The following RIT2 variants were observed in gnomAD, a reference collection of about 807,000 sequenced individuals.
The protein encoded by RIT2 is GTP-binding protein Rit2.
RIT2 carries 24 observed loss-of-function variants against 23.7 expected under a neutral mutation model. The ratio of observed to expected loss-of-function variants is 1.01; its 90% confidence interval spans 0.73 to 1.43. The LOEUF (loss-of-function observed/expected upper bound fraction) is 1.43, where lower values mean the gene tolerates loss of function less well. Among genes scored for constraint, RIT2 ranks in the 40% most tolerant of loss-of-function variants. The pLI is 0.00. For missense variants in RIT2, 236 were observed against 266.9 expected (o/e 0.88, Z 0.81); for synonymous variants, 107 against 91.1 (o/e 1.17, Z -0.99).
At chr18:42,789,095 G>A (rs1356555686) in intron 4 of RIT2, among the ~76,000 whole-genome samples, 2 of 152,140 alleles carry the variant, frequency 1.3e-5, no homozygotes, top group East Asian at 1.9e-4. Context: ...TCTTTACCGT[G>A]TGTTGTGATC....
intron 4 of RIT2, among the ~76,000 whole-genome samples, chr18:42,892,875 G>A (rs532472382): frequency 6.6e-6 from 1 of 152,224 alleles, no homozygotes; most frequent in East Asian, 1.9e-4. Flanking sequence ...TTCCAAAGTG[G>A]TCTGAGTTAG....
chr18:43,102,854 A>T (rs1220467484), intron 1 of RIT2, among the ~76,000 whole-genome samples: 1 of 151,926 alleles, frequency 6.6e-6, no homozygotes, highest in African/African-American at 2.4e-5. Context: ...GGGCTTCACC[A>T]TGTTGGCCAG....
intron 3 of RIT2, among the ~76,000 whole-genome samples, chr18:42,962,633 C>T (rs1837380797): frequency 6.6e-6 from 1 of 152,094 alleles, no homozygotes; most frequent in Non-Finnish European, 1.5e-5. Context: ...AAATTTTTGG[C>T]TTAGGAGCCT....
chr18:43,064,782 A>T (rs980343713), intron 1 of RIT2, among the ~76,000 whole-genome samples: 1 of 152,126 alleles, frequency 6.6e-6, no homozygotes, highest in African/African-American at 2.4e-5. Context: ...CAAAAATTTT[A>T]TATTCTGTAT....
At chr18:42,757,641 G>A (rs1396979306) in intron 4 of RIT2, among the ~76,000 whole-genome samples, 2 of 152,128 alleles carry the variant, frequency 1.3e-5, no homozygotes, top group African/African-American at 2.4e-5. Flanking sequence ...ACGTGCCTGT[G>A]CTTATTGGTA....
chr18:43,098,094 T>G (rs1019048938), intron 1 of RIT2, among the ~76,000 whole-genome samples: 6 of 151,882 alleles, frequency 4.0e-5, no homozygotes, highest in Non-Finnish European at 5.9e-5. Context: ...AATATGTCAC[T>G]TTCCAGGATA....
At chr18:42,808,660 C>T (rs1185887376) in intron 4 of RIT2, among the ~76,000 whole-genome samples, 2 of 151,874 alleles carry the variant, frequency 1.3e-5, no homozygotes, top group Non-Finnish European at 2.9e-5. Flanking sequence ...AAAAGTAGGC[C>T]ATCTTTGTTC....
intron 3 of RIT2, among the ~76,000 whole-genome samples, chr18:42,966,034 C>A (rs1198088807): frequency 6.6e-6 from 1 of 152,108 alleles, no homozygotes; most frequent in African/African-American, 2.4e-5. Context: ...CACTTAACCT[C>A]TTCTGAGCCC....
intron 1 of RIT2, among the ~76,000 whole-genome samples, chr18:43,053,236 A>C (rs1489897089): frequency 6.6e-6 from 1 of 152,080 alleles, no homozygotes; most frequent in East Asian, 1.9e-4. Context: ...GTTTGTGAGC[A>C]AGAACCCTAG....
intron 3 of RIT2, among the ~76,000 whole-genome samples, chr18:42,950,054 A>G (rs1909813702): frequency 1.3e-5 from 2 of 152,146 alleles, no homozygotes; most frequent in African/African-American, 4.8e-5. Flanking sequence ...ACCCAAAACT[A>G]GAAGTTGCCT....
rs532829301 is a variant in RIT2, at chr18:42,958,535, A to T, written c.234+15539T>A. Reference sequence around the variant, plus strand: ...GGGTGCTTTTGAAATTCCAGGGACAATGTTTTTAATAATAAAATGAGGAGA... The same window carrying T: ...GGGTGCTTTTGAAATTCCAGGGACATTGTTTTTAATAATAAAATGAGGAGA... On this transcript the variant is annotated intron_variant, in intron 3 of 4. Transcript: ENST00000326695. Among the ~76,000 whole-genome samples the T allele has an allele frequency of 1.1e-4, 16 of 152,278 alleles. No individual in the cohort carries two copies. The East Asian group carries it at 1.9e-3, about 18-fold the overall frequency.
intron 4 of RIT2, among the ~76,000 whole-genome samples, chr18:42,818,125 T>C (rs1906049582): frequency 6.6e-6 from 1 of 152,064 alleles, no homozygotes; most frequent in Non-Finnish European, 1.5e-5. Flanking sequence ...TGCTTAATTG[T>C]TAACATAAAG....
At chr18:42,987,231 C>G (rs1910732358) in intron 2 of RIT2, among the ~76,000 whole-genome samples, 1 of 152,222 alleles carries the variant, frequency 6.6e-6, no homozygotes, top group African/African-American at 2.4e-5. Flanking sequence ...AGTGGGTGTA[C>G]TTCCCCATTC....
chr18:42,956,293 T>C (rs1180726731), intron 3 of RIT2, among the ~76,000 whole-genome samples: 2 of 152,128 alleles, frequency 1.3e-5, no homozygotes, highest in Non-Finnish European at 2.9e-5. Context: ...CCCAATAATC[T>C]AGCCAACCCT....
intron 3 of RIT2, among the ~76,000 whole-genome samples, chr18:42,951,104 G>C (rs923226779): frequency 3.3e-5 from 5 of 152,084 alleles, no homozygotes; most frequent in Middle Eastern, 3.4e-3. Context: ...CTACCAAAAA[G>C]ACACATGCAC....
At chr18:42,967,396 G>A (rs1329856992) in intron 3 of RIT2, among the ~76,000 whole-genome samples, 1 of 152,002 alleles carries the variant, frequency 6.6e-6, no homozygotes, top group Admixed American at 6.6e-5. Flanking sequence ...TTGAGACAGA[G>A]TCTCGCTCTG....
At chr18:42,825,658 A>C (rs1598670032) in intron 4 of RIT2, among the ~76,000 whole-genome samples, 1 of 149,722 alleles carries the variant, frequency 6.7e-6, no homozygotes, top group Admixed American at 6.6e-5. Flanking sequence ...AACAAGAATA[A>C]CAGTAGCAAA....
At chr18:42,891,455 G>A (rs1014686724) in intron 4 of RIT2, among the ~76,000 whole-genome samples, 1 of 152,068 alleles carries the variant, frequency 6.6e-6, no homozygotes, top group Non-Finnish European at 1.5e-5. Context: ...AGAAAAACCT[G>A]CACATAGATT....
chr18:42,952,029 A>T (rs1909862919), intron 3 of RIT2, among the ~76,000 whole-genome samples: 1 of 152,114 alleles, frequency 6.6e-6, no homozygotes, highest in African/African-American at 2.4e-5. Flanking sequence ...GGATCTCCTA[A>T]GATGTATTCA....
Sources: allele counts gnomAD v4.1 joint callset (sites outside exome capture counted in the v4.1 genomes callset), GRCh38; gene constraint gnomAD v4.1.1; transcripts MANE v1.5; gene names NCBI Gene and HGNC (gene_info 2026-07-23, HGNC 2026-07-21).